CEP135: variants seen among roughly 807,000 people sequenced by gnomAD.
CEP135 encodes the protein centrosomal protein 135, also known as centrosomal protein of 135 kDa.
Under a neutral mutation model 157.3 loss-of-function variants are expected in CEP135, and 142 were observed. That is an observed-to-expected ratio of 0.90 (90% CI 0.79 to 1.04). The LOEUF is 1.04. CEP135 is among the 50% of genes least tolerant of loss of function. The pLI is 0.00. For synonymous variants in CEP135, 396 were observed against 439.8 expected (o/e 0.90, Z 1.25); for missense variants, 1,317 against 1,309.2 (o/e 1.01, Z -0.09).
intron 22 of CEP135, among the ~76,000 whole-genome samples, chr4:56,018,072 T>C (rs1220004748): frequency 6.6e-6 from 1 of 151,966 alleles, no homozygotes; most frequent in Non-Finnish European, 1.5e-5. Context: ...CAACCAATTC[T>C]CCCTCAGGCA....
chr4:56,017,789 A>T lies in CEP135; in HGVS notation c.2944A>T (p.Ile982Phe). The change falls in exon 22 of 26, where the codon ATT becomes TTT. Residue 982 changes from isoleucine (I) to phenylalanine (F), a missense_variant. Physicochemically the swap from Ile to Phe is conservative, Grantham distance 21 (BLOSUM62 0). Coordinates refer to ENST00000257287, the MANE Select transcript of CEP135 (RefSeq NM_025009.5). Reference sequence around the variant, plus strand: ...CTTGTCATCTCTTAGAGAACTTTGCATTAAACTTGATTCAGGCAAAGATAT... The same window carrying T: ...CTTGTCATCTCTTAGAGAACTTTGCTTTAAACTTGATTCAGGCAAAGATAT... Reference protein sequence around the residue: ...NDLSSLRELCIKLDSGKDIMT... With the variant: ...NDLSSLRELCFKLDSGKDIMT... The T allele has an allele frequency of 6.2e-7, 1 of 1,613,860 alleles. No homozygotes were observed. The highest frequency in any genetic ancestry group is 8.5e-7 in the Non-Finnish European group (1 of 1,180,008).
At chr4:56,020,548 A>G in intron 23 of CEP135, 128 bp from the exon 24 acceptor site, 1 of 700,038 alleles carries the variant, frequency 1.4e-6, no homozygotes, top group Non-Finnish European at 2.5e-6. Context: ...AATGTGATAA[A>G]AGCTCTAGAA....
At chr4:55,969,248 G>A (rs1194471097) in intron 9 of CEP135, 120 bp downstream of exon 9, 13 of 670,712 alleles carry the variant, frequency 1.9e-5, no homozygotes, top group Middle Eastern at 4.2e-4. Context: ...TCAACATGGC[G>A]AAACCCCGTC....
intron 13 of CEP135, 93 bp downstream of exon 13, chr4:55,981,472 C>A: frequency 1.8e-6 from 2 of 1,102,362 alleles, no homozygotes; most frequent in Middle Eastern, 3.1e-4. Flanking sequence ...TTGGCCAAAT[C>A]CAGACCACTT....
At chr4:55,978,256 T>C (rs188919307) in intron 11 of CEP135, among the ~76,000 whole-genome samples, 48 of 152,320 alleles carry the variant, frequency 3.2e-4, no homozygotes, top group Non-Finnish European at 6.6e-4. Flanking sequence ...AGGTTCCTAC[T>C]GTGGCCCTCA....
chr4:55,981,299 A>G lies in CEP135; in HGVS notation c.1699A>G (p.Met567Val), dbSNP rs1206612673. 5.0e-6 allele frequency: 8 copies of G among 1,598,466 alleles called. No individual in the cohort carries two copies. The highest frequency in any genetic ancestry group is 6.8e-6 in the Non-Finnish European group (8 of 1,175,282). Reference protein sequence around the residue: ...TTAPHNIVSLMEKEKELALSD... With the variant: ...TTAPHNIVSLVEKEKELALSD... ...AGCACCCCATAATATTGTTAGTCTT[A>G]TGGAAAAGGAAAAAGAACTTGCGTT... The change falls in exon 13 of 26, where the codon ATG becomes GTG. Residue 567 changes from methionine (M) to valine (V), a missense_variant. Transcript: ENST00000257287.
intron 9 of CEP135, 29 bp from the exon 10 acceptor site, chr4:55,971,241 A>T (rs1729016612): frequency 1.3e-6 from 2 of 1,513,086 alleles, no homozygotes; most frequent in African/African-American, 1.4e-5. Context: ...AGTTGTTAGA[A>T]ATCTTAATTA....
intron 15 of CEP135, among the ~76,000 whole-genome samples, chr4:55,997,983 A>T (rs1489108650): frequency 6.6e-6 from 1 of 151,842 alleles, no homozygotes; most frequent in Non-Finnish European, 1.5e-5. Flanking sequence ...TCCCAACTTG[A>T]CTCTCCTCCC....
chr4:55,978,167 A>C (rs1452322303), intron 11 of CEP135, among the ~76,000 whole-genome samples: 1 of 152,204 alleles, frequency 6.6e-6, no homozygotes, highest in African/African-American at 2.4e-5. Flanking sequence ...GTAAATGTTC[A>C]GGGAACTCAT....
rs149931851 is a variant in CEP135, at chr4:55,969,904, G to A, written c.1110+776G>A. Among the ~76,000 whole-genome samples, 457 of 152,132 alleles carry A rather than the reference G, an allele frequency of 3.0e-3. 3 individuals are homozygous for A. The highest frequency in any genetic ancestry group is 0.01 in the African/African-American group (419 of 41,484). ...ATTTATTTTTTGGAGACAGGGGCTT[G>A]CCTTGTCACCTAGACTGGAGTGTAA... On this transcript the variant is annotated intron_variant, in intron 9 of 25. Transcript: ENST00000257287.
At chr4:55,966,601 C>T (rs1728852246) in intron 8 of CEP135, 1 of 152,592 alleles carries the variant, frequency 6.6e-6, no homozygotes, top group African/African-American at 2.4e-5. Context: ...CCTCCCATCT[C>T]AGCCTCCTGA....
At chr4:55,979,999 G>A in intron 11 of CEP135, 144 bp from the exon 12 acceptor site, 1 of 695,514 alleles carries the variant, frequency 1.4e-6, no homozygotes, top group Non-Finnish European at 2.4e-6. Context: ...TCTCATCATA[G>A]ATTTTTAAAA....
intron 14 of CEP135, among the ~76,000 whole-genome samples, chr4:55,988,135 T>C (rs984507583): frequency 2.7e-5 from 3 of 111,490 alleles, no homozygotes; most frequent in African/African-American, 1.2e-4. Flanking sequence ...ATATCAGGTT[T>C]ATAAAAAAGG....
intron 17 of CEP135, among the ~76,000 whole-genome samples, chr4:56,003,430 A>T (rs1038712143): frequency 6.6e-5 from 10 of 151,806 alleles, no homozygotes; most frequent in South Asian, 4.1e-4. Context: ...GGATGGTCTC[A>T]ATCTCCTGAC....
Position 56,017,705 on chromosome 4 carries a change from T to C in CEP135, c.2860T>C (p.Ser954Pro), listed in dbSNP as rs911801070. 2.5e-6 allele frequency: 4 copies of C among 1,613,906 alleles called. No homozygotes were observed. The highest frequency in any genetic ancestry group is 3.4e-6 in the Non-Finnish European group (4 of 1,179,990). The change falls in exon 22 of 26, where the codon TCT becomes CCT. Residue 954 changes from serine (S) to proline (P), a missense_variant. Transcript: ENST00000257287. ...SQISSMAKAM[S>P]RLEEELRHQE... is the part of the protein sequence containing the mutation. ...GATCTCATCAATGGCAAAAGCCATG[T>C]CTCGATTAGAAGAAGAGCTGAGACA...
intron 6 of CEP135, among the ~76,000 whole-genome samples, chr4:55,961,164 A>G (rs952164291): frequency 5.3e-5 from 8 of 151,352 alleles, no homozygotes; most frequent in African/African-American, 1.9e-4. Context: ...TCATGAAGAG[A>G]TGTTGAAAAT....
At position 55,986,264 on chromosome 4, in the gene CEP135, T is replaced by C. The variant is rs571372140; in HGVS notation, c.1857+906T>C. On this transcript the variant is annotated intron_variant, in intron 14 of 25. Transcript: ENST00000257287. ...ATAAAAAAATCATATAGGCCAGGCA[T>C]AGTGGCTCATGCCTATAATCCCAAC... Among the ~76,000 whole-genome samples, 4 of 152,306 alleles carry C rather than the reference T, an allele frequency of 2.6e-5. No homozygotes were observed. The South Asian group carries it at 8.3e-4, about 32-fold the overall frequency.
chr4:56,030,383 G>A (rs1731298989), intron 25 of CEP135, among the ~76,000 whole-genome samples: 1 of 152,192 alleles, frequency 6.6e-6, no homozygotes, highest in South Asian at 2.1e-4. Flanking sequence ...AGTCTTTTAT[G>A]CAGTCTGTCA....
chr4:56,019,800 G>A (rs537017208), intron 23 of CEP135, among the ~76,000 whole-genome samples: 13 of 152,000 alleles, frequency 8.6e-5, no homozygotes, highest in South Asian at 2.1e-4. Flanking sequence ...AAAGCCAGGC[G>A]TGGTGGCACA....
Sources: gnomAD v4.1 joint callset for allele counts (sites outside exome capture counted in the v4.1 genomes callset) on GRCh38, gnomAD v4.1.1 for gene constraint, MANE v1.5 for transcripts, NCBI Gene and HGNC (gene_info 2026-07-23, HGNC 2026-07-21) for gene names.